NCKAP5: variants seen among roughly 807,000 people sequenced by gnomAD.
NCKAP5 encodes the protein nck-associated protein 5.
A neutral mutation model predicts 167.0 loss-of-function variants in NCKAP5; 92 were observed. The observed-to-expected ratio is 0.55, with a 90% CI of 0.47 to 0.66. NCKAP5 has a LOEUF of 0.66. Ranked by LOEUF, NCKAP5 falls within the 30% of genes least tolerant of loss-of-function variation. NCKAP5 has a pLI of 0.00. For synonymous variants in NCKAP5, 891 were observed against 877.4 expected (o/e 1.02, Z -0.27); for missense variants, 2,378 against 2,315.0 (o/e 1.03, Z -0.56).
At chr2:133,164,897 C>A (rs1012503350) in intron 5 of NCKAP5, among the ~76,000 whole-genome samples, 5 of 152,222 alleles carry the variant, frequency 3.3e-5, no homozygotes, top group Non-Finnish European at 7.3e-5. Flanking sequence ...GATCCCTCAT[C>A]CAAGGCACAG....
chr2:132,794,261 TATAGAGAGAGAGAGAGAGAG>T (rs1452174802), intron 12 of NCKAP5, among the ~76,000 whole-genome samples: 5 of 23,498 alleles, frequency 2.1e-4, no homozygotes, highest in African/African-American at 7.4e-4. Context: ...TATATATATA[TATAGAGAGAGAGAGAGAGAG>T]AGAGAGAGAG....
intron 11 of NCKAP5, among the ~76,000 whole-genome samples, chr2:132,840,320 G>A (rs567584610): frequency 3.1e-4 from 45 of 147,530 alleles, no homozygotes; most frequent in Non-Finnish European, 6.2e-4. Flanking sequence ...CTGTTGACCA[G>A]GTTGGAGTGC....
chr2:133,290,205 T>G (rs1449622769), intron 4 of NCKAP5, among the ~76,000 whole-genome samples: 1 of 152,192 alleles, frequency 6.6e-6, no homozygotes, highest in African/African-American at 2.4e-5. Context: ...AGTAGCTTGA[T>G]CTACATGTCT....
At chr2:133,175,548 A>C (rs1201603618) in intron 5 of NCKAP5, among the ~76,000 whole-genome samples, 1 of 151,960 alleles carries the variant, frequency 6.6e-6, no homozygotes, top group Non-Finnish European at 1.5e-5. Flanking sequence ...TTTGGTGGTG[A>C]TTTCAAAGCT....
At chr2:133,362,566 T>G (rs766792306) in intron 3 of NCKAP5, among the ~76,000 whole-genome samples, 3 of 152,154 alleles carry the variant, frequency 2.0e-5, no homozygotes, top group Non-Finnish European at 2.9e-5. Flanking sequence ...CCCTCAAAAA[T>G]ATTTCTAGAA....
At chr2:133,647,468 CAAGGG>C in the NCKAP5 span, among the ~76,000 whole-genome samples, 2 of 52,980 alleles carry the variant, frequency 3.8e-5, no homozygotes, top group Non-Finnish European at 6.4e-5. Context: ...AAAGAAAGGG[CAAGGG>C]AAGGAAAGGA....
chr2:133,630,458 G>A, the NCKAP5 span, among the ~76,000 whole-genome samples: 1 of 152,188 alleles, frequency 6.6e-6, no homozygotes, highest in African/African-American at 2.4e-5. Context: ...TGAATAGTGA[G>A]TATGTGAGCA....
intron 13 of NCKAP5, among the ~76,000 whole-genome samples, chr2:132,788,794 A>T (rs187557296): frequency 2.0e-4 from 30 of 152,302 alleles, no homozygotes; most frequent in African/African-American, 7.2e-4. Context: ...TTAATATTCA[A>T]ATTCAAATTC....
intron 11 of NCKAP5, among the ~76,000 whole-genome samples, chr2:132,850,609 T>G (rs1056388062): frequency 1.3e-5 from 2 of 152,052 alleles, no homozygotes; most frequent in Non-Finnish European, 2.9e-5. Context: ...ACAAGGTATC[T>G]GTTTGGGAAA....
At chr2:133,652,863 G>C in the NCKAP5 span, among the ~76,000 whole-genome samples, 1 of 152,182 alleles carries the variant, frequency 6.6e-6, no homozygotes, top group Admixed American at 6.5e-5. Context: ...TCATTTGTCA[G>C]CACTCACACT....
intron 3 of NCKAP5, among the ~76,000 whole-genome samples, chr2:133,335,847 A>G (rs1473088511): frequency 6.6e-6 from 1 of 152,214 alleles, no homozygotes; most frequent in Non-Finnish European, 1.5e-5. Flanking sequence ...TTGATTTTAT[A>G]TGCTAATCAG....
chr2:133,160,408 C>CTTTTTTT (rs59557631), intron 5 of NCKAP5, among the ~76,000 whole-genome samples: 2 of 121,120 alleles, frequency 1.7e-5, no homozygotes, highest in African/African-American at 3.3e-5. Context: ...AGGTCACATT[C>CTTTTTTT]TTTTTTTTTT....
chr2:133,546,447 G>A (rs1375501653), intron 2 of NCKAP5, among the ~76,000 whole-genome samples: 2 of 152,102 alleles, frequency 1.3e-5, no homozygotes, highest in Admixed American at 6.5e-5. Context: ...TAAACCTGCC[G>A]TCCTGCTCAT....
chr2:133,287,756 T>G (rs893916523), intron 4 of NCKAP5, among the ~76,000 whole-genome samples: 1 of 152,152 alleles, frequency 6.6e-6, no homozygotes, highest in Non-Finnish European at 1.5e-5. Flanking sequence ...CCAGGTGGGC[T>G]GAGGAATGCA....
intron 2 of NCKAP5, among the ~76,000 whole-genome samples, chr2:133,522,863 C>T (rs1684584975): frequency 6.6e-6 from 1 of 152,202 alleles, no homozygotes; most frequent in Non-Finnish European, 1.5e-5. Context: ...TCTATGTCTT[C>T]CAACATCTCT....
chr2:133,395,911 AC>A (rs1416809815), intron 3 of NCKAP5, among the ~76,000 whole-genome samples: 1 of 152,064 alleles, frequency 6.6e-6, no homozygotes, highest in African/African-American at 2.4e-5. Flanking sequence ...CTCCTAAAGC[AC>A]TGGGATTACA....
chr2:133,160,439 C>CTTTCT (rs1553559024), intron 5 of NCKAP5, among the ~76,000 whole-genome samples: 5 of 49,788 alleles, frequency 1.0e-4, no homozygotes, highest in Non-Finnish European at 1.3e-4. Context: ...CTTTCTTTTT[C>CTTTCT]TTTTTTTTTT....
the NCKAP5 span, among the ~76,000 whole-genome samples, chr2:133,612,706 T>G: frequency 6.6e-6 from 1 of 152,290 alleles, no homozygotes; most frequent in Non-Finnish European, 1.5e-5. Context: ...AAAAAATAGA[T>G]GTAAAGATTT....
At chr2:133,151,133 G>T (rs941221350) in intron 5 of NCKAP5, among the ~76,000 whole-genome samples, 12 of 152,130 alleles carry the variant, frequency 7.9e-5, no homozygotes, top group African/African-American at 2.7e-4. Flanking sequence ...TGAAAATTCA[G>T]TGAGTTAACC....
Sources: allele counts gnomAD v4.1 joint callset (sites outside exome capture counted in the v4.1 genomes callset), GRCh38; gene constraint gnomAD v4.1.1; transcripts MANE v1.5; gene names NCBI Gene and HGNC (gene_info 2026-07-23, HGNC 2026-07-21).